RSPO1: variants seen among roughly 807,000 people sequenced by gnomAD.
RSPO1 encodes R-spondin 1.
A neutral mutation model predicts 26.0 loss-of-function variants in RSPO1; 18 were observed. That is an observed-to-expected ratio of 0.69 (90% CI 0.48 to 1.03). RSPO1 has a LOEUF of 1.03. RSPO1 is among the 50% of genes least tolerant of loss of function. The pLI is 0.00. For missense variants in RSPO1, 309 were observed against 352.3 expected, an observed-to-expected ratio of 0.88 and a Z score of 0.98; for synonymous variants, 133 against 137.4, an observed-to-expected ratio of 0.97 and a Z score of 0.22.
rs1389620144 is a variant in RSPO1, at chr1:37,634,681, G to C, written c.-471C>G. On this transcript the variant is annotated 5_prime_UTR_variant, in exon 1 of 7. Coordinates refer to ENST00000356545, the MANE Select transcript of RSPO1 (RefSeq NM_001242908.2). This position sits in a 1 kb window ranked among gnomAD's most constrained non-coding sequence, Gnocchi z 4.7. Reference sequence around the variant, plus strand: ...CGGCTCGCCTGCGCTCCGCCCGCCCGTTCCCAAGTTGCTCAATCTGCGGAC... The same window carrying C: ...CGGCTCGCCTGCGCTCCGCCCGCCCCTTCCCAAGTTGCTCAATCTGCGGAC... The C allele has an allele frequency of 2.6e-5, 4 of 152,330 alleles. No individual in the cohort carries two copies. The highest frequency in any genetic ancestry group is 4.4e-5 in the Non-Finnish European group (3 of 68,142). The allele number at this position is 152,330 out of a possible 1,614,324, so 9.4% of individuals were successfully genotyped here.
intron 3 of RSPO1, among the ~76,000 whole-genome samples, chr1:37,620,776 T>C (rs926300737): frequency 6.6e-5 from 10 of 152,186 alleles, no homozygotes; most frequent in Admixed American, 5.9e-4. Context: ...TTTTCTATTC[T>C]GGGTCTTTAT....
In RSPO1 at chr1:37,612,593, G is replaced by A. The variant is rs1644040701; in HGVS notation, c.*162C>T. On this transcript the variant is annotated 3_prime_UTR_variant, in exon 7 of 7. Coordinates refer to ENST00000356545, the MANE Select transcript of RSPO1 (RefSeq NM_001242908.2). ...TGTGCAAGTATGTATGGTTGTATATGTGGACAGGGGTTTGAGCGTGTGTGT... is the reference window on the plus strand; with the variant it reads ...TGTGCAAGTATGTATGGTTGTATATATGGACAGGGGTTTGAGCGTGTGTGT... The A allele has an allele frequency of 1.1e-5, 8 of 753,252 alleles. No individual in the cohort carries two copies. In the Admixed American group the frequency reaches 1.3e-4, roughly 12 times the overall value. The allele number at this position is 753,252 out of a possible 1,614,324, so 46.7% of individuals were successfully genotyped here. A position where few individuals can be genotyped will look rare whatever the true frequency, so the allele number is the denominator to read the frequency against.
Position 37,612,455 on chromosome 1 carries a change from G to A in RSPO1, c.*300C>T. 2.1e-6 allele frequency: 1 copy of A among 480,712 alleles called. No homozygotes were observed. The highest frequency in any genetic ancestry group is 3.8e-6 in the Non-Finnish European group (1 of 262,946). The allele number at this position is 480,712 out of a possible 1,614,324, so 29.8% of individuals were successfully genotyped here. On this transcript the variant is annotated 3_prime_UTR_variant, in exon 7 of 7. Transcript: ENST00000356545. ...ACTGGGAGCTCTGGAAACCAAGTGTGTACTGCTGGGCCCGAGGGATGGAAG... is the reference window on the plus strand; with the variant it reads ...ACTGGGAGCTCTGGAAACCAAGTGTATACTGCTGGGCCCGAGGGATGGAAG...
At chr1:37,623,762 C>CT (rs569201016) in intron 3 of RSPO1, among the ~76,000 whole-genome samples, 7,601 of 140,300 alleles carry the variant, frequency 0.054, 593 homozygotes, top group African/African-American at 0.18. Flanking sequence ...CTCTCCCTCT[C>CT]TTTTTTTTTT....
chr1:37,618,955 C>T (rs986332235), intron 3 of RSPO1, among the ~76,000 whole-genome samples: 11 of 152,196 alleles, frequency 7.2e-5, no homozygotes. Flanking sequence ...GGTGCAGTAG[C>T]TCACGCCTAG....
chr1:37,617,065 A>G (rs1644124925), intron 3 of RSPO1, among the ~76,000 whole-genome samples: 1 of 152,220 alleles, frequency 6.6e-6, no homozygotes, highest in Non-Finnish European at 1.5e-5. Context: ...GAAAGTTTTA[A>G]GGGCAAGAGG....
rs1170472829 is a variant in RSPO1, at chr1:37,634,566, CT to C, written c.-357del. On this transcript the variant is annotated splice_region_variant and 5_prime_UTR_variant, in exon 1 of 7. Coordinates refer to ENST00000356545, the MANE Select transcript of RSPO1 (RefSeq NM_001242908.2). This position sits in a 1 kb window ranked among gnomAD's most constrained non-coding sequence, Gnocchi z 4.7. ...ATGGGGCAGCTACGAGGGGACTCAC[CT>C]TCGTGCTGCCAGTCGCGACGGGGGC... The C allele has an allele frequency of 6.6e-5, 10 of 152,356 alleles. No homozygotes were observed. The highest frequency in any genetic ancestry group is 1.3e-4 in the Non-Finnish European group (9 of 68,144). The allele number at this position is 152,356 out of a possible 1,614,324, so 9.4% of individuals were successfully genotyped here.
chr1:37,616,207 A>G lies in RSPO1; in HGVS notation c.286+277T>C, dbSNP rs55970750. Reference sequence around the variant, plus strand: ...TTGGTGATTGGATGGATGGGGTGGGAGAGGTTGGCACTCAGGGCTGTGGCT... The same window carrying G: ...TTGGTGATTGGATGGATGGGGTGGGGGAGGTTGGCACTCAGGGCTGTGGCT... On this transcript the variant is annotated intron_variant, in intron 4 of 6. Transcript: ENST00000356545. Among the ~76,000 whole-genome samples, 678 of 152,124 alleles carry G rather than the reference A, an allele frequency of 4.5e-3. 4 individuals are homozygous for G. The highest frequency in any genetic ancestry group is 0.016 in the African/African-American group (655 of 41,454).
At position 37,629,640 on chromosome 1, in the gene RSPO1, CCA is replaced by C; in HGVS notation, c.20_21del (p.Val7GlyfsTer38). The C allele has an allele frequency of 6.2e-7, 1 of 1,614,134 alleles. No homozygotes were observed. Among genetic ancestry groups the C allele is most frequent in the Non-Finnish European group, 8.5e-7 (1 of 1,180,028 alleles). The stretch of plus-strand genomic sequence containing the variant: ...TGCGTCCAGCTCAGAACCAGGGCCA[CCA>C]CACACAGCCCAAGCCGCATAGTCAC... MRLGLC[V>X]VALVLSWTHL... On this transcript the variant is annotated frameshift_variant, in exon 3 of 7. Transcript: ENST00000356545. LOFTEE classifies it high-confidence loss of function.
intron 3 of RSPO1, among the ~76,000 whole-genome samples, chr1:37,621,152 A>G (rs1424829529): frequency 6.6e-6 from 1 of 152,106 alleles, no homozygotes; most frequent in Non-Finnish European, 1.5e-5. Context: ...CAGGGAAGGG[A>G]ATCTGGAATC....
At chr1:37,615,243 C>G (rs1419986872) in intron 4 of RSPO1, among the ~76,000 whole-genome samples, 1 of 152,186 alleles carries the variant, frequency 6.6e-6, no homozygotes, top group African/African-American at 2.4e-5. Flanking sequence ...AGCCTCACCT[C>G]TCTCCTTCCC....
At chr1:37,617,461 C>G (rs1488023044) in intron 3 of RSPO1, among the ~76,000 whole-genome samples, 2 of 151,958 alleles carry the variant, frequency 1.3e-5, no homozygotes, top group Non-Finnish European at 2.9e-5. Context: ...GAGTTTGAGA[C>G]CAGCCTGGCC....
In RSPO1 at chr1:37,612,639, G is replaced by A; in HGVS notation, c.*116C>T. ...TGTGTCTTGTGTCTATGTATGCATGGATGGATTGGAGTGTGTGTGTATGCT... is the reference window on the plus strand; with the variant it reads ...TGTGTCTTGTGTCTATGTATGCATGAATGGATTGGAGTGTGTGTGTATGCT... On this transcript the variant is annotated 3_prime_UTR_variant, in exon 7 of 7. Coordinates refer to ENST00000356545, the MANE Select transcript of RSPO1 (RefSeq NM_001242908.2). 3.7e-6 allele frequency: 4 copies of A among 1,072,072 alleles called. No individual in the cohort carries two copies. Among genetic ancestry groups the A allele is most frequent in the Non-Finnish European group, 4.3e-6 (3 of 704,146 alleles). The allele number at this position is 1,072,072 out of a possible 1,614,324, so 66.4% of individuals were successfully genotyped here. A position where few individuals can be genotyped will look rare whatever the true frequency, so the allele number is the denominator to read the frequency against.
Position 37,612,794 on chromosome 1 carries a change from TTGC to T in RSPO1, c.750_752del (p.Gln251del), listed in dbSNP as rs563949840. 5.0e-6 allele frequency: 8 copies of T among 1,612,662 alleles called. No homozygotes were observed. ...CAGATGTGAGTGGCCCCACTGTCCCTTGCTGCTGCTGCTGTTGCTGCCCCTTGC... is the reference window on the plus strand; with the variant it reads ...CAGATGTGAGTGGCCCCACTGTCCCTTGCTGCTGCTGTTGCTGCCCCTTGC... On this transcript the variant is annotated inframe_deletion, in exon 7 of 7. Coordinates refer to ENST00000356545, the MANE Select transcript of RSPO1 (RefSeq NM_001242908.2).
rs759703981 is a variant in RSPO1, at chr1:37,616,571, T to C, written c.199A>G (p.Asn67Asp). 10 of 1,613,984 alleles carry C rather than the reference T, an allele frequency of 6.2e-6. No homozygotes were observed. Among genetic ancestry groups the C allele is most frequent in the Admixed American group, 1.7e-5 (1 of 59,998 alleles). The change falls in exon 4 of 7, where the codon AAC (asparagine) becomes GAC (aspartate). Residue 67 changes from asparagine to aspartate, a missense_variant. Coordinates refer to ENST00000356545, the MANE Select transcript of RSPO1 (RefSeq NM_001242908.2). ...SPKLFILLER[N>D]DIRQVGVCLP... ...CAGACGCCCACCTGGCGGATGTCGT[T>C]CCTCTCCAGCAGGATGAACAGCTTG...
At chr1:37,615,880 G>C (rs1033195530) in intron 4 of RSPO1, among the ~76,000 whole-genome samples, 1 of 152,206 alleles carries the variant, frequency 6.6e-6, no homozygotes, top group African/African-American at 2.4e-5. Context: ...TGTGGAGCTA[G>C]CAGTGGTTTT....
Position 37,629,625 on chromosome 1 carries a change from T to C in RSPO1, c.37A>G (p.Ser13Gly). Residue 13 changes from serine (S) to glycine (G), a missense_variant, in exon 3 of 7, where the codon AGC (serine) becomes GGC (glycine). By Grantham distance (56) the Ser-to-Gly change is moderately conservative (BLOSUM62 0). Coordinates refer to ENST00000356545, the MANE Select transcript of RSPO1 (RefSeq NM_001242908.2). ...CTGCTGATGGTGAGGTGCGTCCAGC[T>C]CAGAACCAGGGCCACCACACACAGC... is the stretch of plus-strand genomic sequence containing the variant. ...LGLCVVALVL[S>G]WTHLTISSRG... 6.2e-7 allele frequency: 1 copy of C among 1,613,930 alleles called. No homozygotes were observed.
chr1:37,628,342 G>C (rs1644308776), intron 3 of RSPO1, among the ~76,000 whole-genome samples: 1 of 152,212 alleles, frequency 6.6e-6, no homozygotes, highest in South Asian at 2.1e-4. Flanking sequence ...GTCTCTAATT[G>C]TTTGTTAAGC....
intron 3 of RSPO1, among the ~76,000 whole-genome samples, chr1:37,628,967 G>A (rs944221564): frequency 1.3e-5 from 2 of 152,194 alleles, no homozygotes; most frequent in African/African-American, 2.4e-5. Flanking sequence ...AAGCGTGGTC[G>A]GGCCAGACCC....
Sources: gnomAD v4.1 joint callset for allele counts (sites outside exome capture counted in the v4.1 genomes callset) on GRCh38, gnomAD v4.1.1 for gene constraint, Gnocchi (gnomAD v3.1) non-coding constraint, MANE v1.5 for transcripts, NCBI Gene and HGNC (gene_info 2026-07-23, HGNC 2026-07-21) for gene names.